LRIG3: variants seen among roughly 807,000 people sequenced by gnomAD.
The protein encoded by LRIG3 is leucine-rich repeats and immunoglobulin-like domains protein 3.
In LRIG3, 76 loss-of-function variants were observed where a neutral mutation model predicts 114.5. The ratio of observed to expected loss-of-function variants is 0.66; its 90% CI spans 0.55 to 0.80. The LOEUF (loss-of-function observed/expected upper bound fraction) is 0.80. LRIG3 is among the 30% of genes least tolerant of loss of function. The pLI, the probability that LRIG3 is intolerant of heterozygous loss-of-function variation, is 0.00. For synonymous variants in LRIG3, 512 were observed against 519.8 expected (o/e 0.98, Z 0.20); for missense variants, 1,239 against 1,382.8 (o/e 0.90, Z 1.65).
intron 3 of LRIG3, among the ~76,000 whole-genome samples, chr12:58,898,045 T>C (rs1324364982): frequency 6.6e-6 from 1 of 152,208 alleles, no homozygotes; most frequent in Non-Finnish European, 1.5e-5. Flanking sequence ...AGCTGTAGAT[T>C]GCACCATAAG....
chr12:58,876,396 C>A (rs1338216926), intron 16 of LRIG3, 49 bp downstream of exon 16: 1 of 1,586,580 alleles, frequency 6.3e-7, no homozygotes, highest in East Asian at 2.3e-5. Flanking sequence ...GAGCCTTCCA[C>A]CATATGACTT....
intron 1 of LRIG3, 40 bp downstream of exon 1, chr12:58,919,960 A>G: frequency 1.3e-6 from 2 of 1,530,866 alleles, no homozygotes; most frequent in Non-Finnish European, 1.8e-6. Flanking sequence ...TCGAATCTCC[A>G]GCGGCCCGGG....
chr12:58,878,450 A>G (rs1871004016), intron 14 of LRIG3, among the ~76,000 whole-genome samples: 1 of 152,178 alleles, frequency 6.6e-6, no homozygotes, highest in Admixed American at 6.5e-5. Flanking sequence ...AAAGAGAGTA[A>G]GGCCTTCCCA....
At position 58,877,530 on chromosome 12, in the gene LRIG3, A is replaced by G; in HGVS notation, c.2406T>C (p.Asp802=). The change falls in exon 15 of 19, where the codon GAT becomes GAC. Residue 802 remains aspartate, a synonymous_variant. Coordinates refer to ENST00000320743, the MANE Select transcript of LRIG3 (RefSeq NM_153377.5). ...SPQMTAPSLD[D]DGWATVGVVI... ...CGACACCCACAGTGGCCCATCCGTCATCGTCTAACGATGGGGCTGTCATCT... is the reference window on the plus strand; with the variant it reads ...CGACACCCACAGTGGCCCATCCGTCGTCGTCTAACGATGGGGCTGTCATCT... The G allele has an allele frequency of 6.2e-7, 1 of 1,614,216 alleles. No individual in the cohort carries two copies. The highest frequency in any genetic ancestry group is 8.5e-7 in the Non-Finnish European group (1 of 1,180,044).
chr12:58,903,942 A>G (rs1007004887), intron 3 of LRIG3, among the ~76,000 whole-genome samples: 3 of 152,064 alleles, frequency 2.0e-5, no homozygotes, highest in Non-Finnish European at 4.4e-5. Flanking sequence ...TTTTGGTACC[A>G]GTACCATGCT....
chr12:58,880,313 AG>A, intron 13 of LRIG3: 2 of 560,760 alleles, frequency 3.6e-6, no homozygotes, highest in East Asian at 3.7e-5. Context: ...AAAAAAAAAA[AG>A]AAAAAGAAAA....
At chr12:58,919,979 C>T (rs944292356) in intron 1 of LRIG3, 21 bp downstream of exon 1, 1 of 1,548,504 alleles carries the variant, frequency 6.5e-7, no homozygotes, top group African/African-American at 1.4e-5. Flanking sequence ...GGCCCCCTCC[C>T]CCCGCGGGAA....
At chr12:58,901,719 T>A (rs371037390) in intron 3 of LRIG3, among the ~76,000 whole-genome samples, 82 of 152,308 alleles carry the variant, frequency 5.4e-4, no homozygotes, top group African/African-American at 1.9e-3. Context: ...ACAAGAATTA[T>A]GCAGAAAAGA....
chr12:58,918,615 C>T (rs1872559645), intron 1 of LRIG3, among the ~76,000 whole-genome samples: 1 of 152,158 alleles, frequency 6.6e-6, no homozygotes, highest in African/African-American at 2.4e-5. Flanking sequence ...CAGTCATTTA[C>T]ATGTTCAGTT....
Position 58,920,120 on chromosome 12 carries a change from G to A in LRIG3, c.116C>T (p.Ser39Phe), listed in dbSNP as rs763816338. The A allele has an allele frequency of 1.3e-6, 2 of 1,548,240 alleles. No homozygotes were observed. The highest frequency in any genetic ancestry group is 2.4e-5 in the South Asian group (2 of 84,162). The change falls in exon 1 of 19, where the codon TCT becomes TTT. Residue 39 changes from serine (S) to phenylalanine (F), a missense_variant. Coordinates refer to ENST00000320743, the MANE Select transcript of LRIG3 (RefSeq NM_153377.5). ...SGGRGELGQP[S>F]GVAAERPCPT... ...GCATGGGCGCTCGGCGGCTACCCCA[G>A]AGGGCTGCCCGAGTTCCCCGCGACC...
intron 1 of LRIG3, chr12:58,919,606 T>A: frequency 6.6e-7 from 1 of 1,511,782 alleles, no homozygotes; most frequent in Admixed American, 2.1e-5. Context: ...ACCAGACTCA[T>A]AACTCAGCGA....
chr12:58,908,204 T>C (rs1313894168), intron 3 of LRIG3, among the ~76,000 whole-genome samples: 2 of 152,162 alleles, frequency 1.3e-5, no homozygotes, highest in Non-Finnish European at 2.9e-5. Flanking sequence ...CCATGTATCA[T>C]CAACACACCC....
intron 1 of LRIG3, chr12:58,919,565 G>C: frequency 2.6e-6 from 4 of 1,545,840 alleles, no homozygotes; most frequent in Non-Finnish European, 3.5e-6. Context: ...AACAGGAAAA[G>C]GAGTCTGACG....
At chr12:58,898,641 G>C (rs1481383750) in intron 3 of LRIG3, among the ~76,000 whole-genome samples, 1 of 152,066 alleles carries the variant, frequency 6.6e-6, no homozygotes, top group Non-Finnish European at 1.5e-5. Flanking sequence ...GTATAGTTTA[G>C]GTTATTAATC....
chr12:58,887,101 G>A lies in LRIG3; in HGVS notation c.1092-211C>T, dbSNP rs141217495. 7.3e-4 allele frequency: 369 copies of A among 503,602 alleles called. 4 individuals carry two copies. The East Asian group carries it at 0.01, about 14-fold the overall frequency. 31.2% of individuals were successfully genotyped at this position (503,602 alleles called of 1,614,324 possible). On this transcript the variant is annotated intron_variant, in intron 8 of 18. Coordinates refer to ENST00000320743, the MANE Select transcript of LRIG3 (RefSeq NM_153377.5). ...CATTTTAAGTTTTTCCCTAAAATCCGAAAAAGCTGACACTGGCCCTATTAA... is the reference window on the plus strand; with the variant it reads ...CATTTTAAGTTTTTCCCTAAAATCCAAAAAAGCTGACACTGGCCCTATTAA...
Position 58,877,387 on chromosome 12 carries a change from T to C in LRIG3, c.2536+13A>G. ...TGACTCCGGTGACCTGTGCCAAGCT[T>C]CTGTTTACACACCTGTGTTGGTAAT... is the stretch of plus-strand genomic sequence containing the variant. On this transcript the variant is annotated intron_variant, in intron 15 of 18. Transcript: ENST00000320743. 6.2e-7 allele frequency: 1 copy of C among 1,610,228 alleles called. No homozygotes were observed. The highest frequency in any genetic ancestry group is 8.5e-7 in the Non-Finnish European group (1 of 1,176,932).
intron 13 of LRIG3, 31 bp from the exon 14 acceptor site, chr12:58,879,136 C>T (rs1565614187): frequency 6.3e-7 from 1 of 1,578,956 alleles, no homozygotes; most frequent in Non-Finnish European, 8.6e-7. Context: ...TAGGCATTAG[C>T]ACAGTGGAGT....
intron 1 of LRIG3, among the ~76,000 whole-genome samples, chr12:58,917,489 C>T (rs890510831): frequency 1.3e-5 from 2 of 152,104 alleles, no homozygotes; most frequent in African/African-American, 2.4e-5. Flanking sequence ...CAAAGTCTCG[C>T]TCACATAGTT....
rs117115230 is a variant in LRIG3, at chr12:58,873,954, C to T, written c.3115+101G>A. ...GTCATGGCAGCCTCATTCAAGAAAC[C>T]ATTTTTTACCAGTTTGACATTCAAG... On this transcript the variant is annotated intron_variant, in intron 18 of 18. Transcript: ENST00000320743. The T allele has an allele frequency of 5.5e-3, 7,630 of 1,397,778 alleles. 25 individuals are homozygous for T. Among genetic ancestry groups the T allele is most frequent in the Non-Finnish European group, 6.6e-3 (6,729 of 1,015,024 alleles). 86.6% of individuals were successfully genotyped at this position (1,397,778 alleles called of 1,614,324 possible). A position where few individuals can be genotyped will look rare whatever the true frequency, so the allele number is the denominator to read the frequency against.
Sources: gnomAD v4.1 joint callset for allele counts (sites outside exome capture counted in the v4.1 genomes callset) on GRCh38, gnomAD v4.1.1 for gene constraint, MANE v1.5 for transcripts, NCBI Gene and HGNC (gene_info 2026-07-23, HGNC 2026-07-21) for gene names.